Variants in NRXN1 observed in about 807,000 individuals in gnomAD.
NRXN1 encodes the protein neurexin-1.
A neutral mutation model predicts 150.9 loss-of-function variants in NRXN1; 39 were observed. That is an observed-to-expected ratio of 0.26 (90% confidence interval 0.20 to 0.34). NRXN1 has a LOEUF of 0.34. Ranked by LOEUF, NRXN1 falls within the 10% of genes least tolerant of loss-of-function variation. The pLI, the probability that NRXN1 is intolerant of heterozygous loss-of-function variation, is 1.00. For missense variants in NRXN1, 1,815 were observed against 1,949.9 expected, an observed-to-expected ratio of 0.93 and a Z score of 1.30; for synonymous variants, 924 against 757.0, an observed-to-expected ratio of 1.22 and a Z score of -3.62.
At chr2:50,166,710 A>G (rs912466550) in intron 18 of NRXN1, among the ~76,000 whole-genome samples, 1 of 152,222 alleles carries the variant, frequency 6.6e-6, no homozygotes, top group Admixed American at 6.5e-5. Flanking sequence ...AATGAAAGCC[A>G]TTGATTGAAT....
intron 18 of NRXN1, 26 bp downstream of exon 18, chr2:50,236,763 C>G (rs2065473432): frequency 1.2e-6 from 2 of 1,608,968 alleles, no homozygotes; most frequent in Non-Finnish European, 1.7e-6. Context: ...AAAGTAAAAG[C>G]TGAATCTTAT....
chr2:50,063,057 T>C (rs962905700), intron 19 of NRXN1, among the ~76,000 whole-genome samples: 6 of 152,146 alleles, frequency 3.9e-5, no homozygotes, highest in East Asian at 1.9e-4. Flanking sequence ...GATTTTTAAA[T>C]GAGAACAAGA....
chr2:50,551,887 T>G (rs1667596554), intron 9 of NRXN1, among the ~76,000 whole-genome samples: 1 of 152,054 alleles, frequency 6.6e-6, no homozygotes, highest in South Asian at 2.1e-4. Flanking sequence ...AAGCTCATAT[T>G]AGTCAACATC....
At chr2:49,945,389 CTCTT>C (rs752829030) in intron 21 of NRXN1, among the ~76,000 whole-genome samples, 3 of 147,802 alleles carry the variant, frequency 2.0e-5, no homozygotes, top group Non-Finnish European at 3.0e-5. Context: ...TGGGGGTTTT[CTCTT>C]TTTTTTTTTT....
intron 22 of NRXN1, among the ~76,000 whole-genome samples, chr2:49,924,119 C>T (rs769174108): frequency 5.9e-5 from 9 of 152,202 alleles, no homozygotes; most frequent in African/African-American, 9.6e-5. Context: ...CCAATTAACT[C>T]AGCTGCTTTC....
intron 5 of NRXN1, among the ~76,000 whole-genome samples, chr2:50,711,184 A>G (rs1012057711): frequency 6.6e-6 from 1 of 152,138 alleles, no homozygotes; most frequent in African/African-American, 2.4e-5. Context: ...AGTGGCTGTC[A>G]GTTTTGGTAA....
intron 5 of NRXN1, chr2:50,696,290 T>C (rs1285352957): frequency 6.6e-6 from 1 of 152,350 alleles, no homozygotes; most frequent in African/African-American, 2.4e-5. Context: ...GTTCTATACA[T>C]ATGAAAAAAT....
Position 49,919,176 on chromosome 2 carries a change from A to G in NRXN1, c.*2768T>C, listed in dbSNP as rs1436084145. 1 of 152,160 alleles carries G rather than the reference A, an allele frequency of 6.6e-6. No individual in the cohort carries two copies. Among genetic ancestry groups the G allele is most frequent in the Non-Finnish European group, 1.5e-5 (1 of 67,976 alleles). The allele number at this position is 152,160 out of a possible 1,614,324, so 9.4% of individuals were successfully genotyped here. On this transcript the variant is annotated 3_prime_UTR_variant, in exon 23 of 23. Coordinates refer to ENST00000401669, the MANE Select transcript of NRXN1 (RefSeq NM_001330078.2). ...TAGAGATGTAATCAAATTTATGCCAAGTCGTGTGAAATCCTCAATCAACTG... is the reference window on the plus strand; with the variant it reads ...TAGAGATGTAATCAAATTTATGCCAGGTCGTGTGAAATCCTCAATCAACTG...
chr2:50,892,984 T>A (rs1014045581), intron 5 of NRXN1, among the ~76,000 whole-genome samples: 2 of 152,122 alleles, frequency 1.3e-5, no homozygotes, highest in Non-Finnish European at 2.9e-5. Context: ...GCAGGAAGAT[T>A]GGGACCTGGC....
intron 5 of NRXN1, among the ~76,000 whole-genome samples, chr2:50,785,723 A>T (rs77970376): frequency 2.6e-5 from 4 of 152,130 alleles, no homozygotes; most frequent in Non-Finnish European, 5.9e-5. Flanking sequence ...AGGTGAGTAG[A>T]GCAGGAGCTT....
At chr2:50,881,368 G>A (rs1290286089) in intron 5 of NRXN1, among the ~76,000 whole-genome samples, 1 of 151,900 alleles carries the variant, frequency 6.6e-6, no homozygotes, top group African/African-American at 2.4e-5. Context: ...CTAAAGACAT[G>A]AAAAATAGCA....
chr2:50,203,035 A>G (rs918423735), intron 18 of NRXN1, among the ~76,000 whole-genome samples: 1 of 152,132 alleles, frequency 6.6e-6, no homozygotes, highest in African/African-American at 2.4e-5. Context: ...GGTAAAAAAG[A>G]TCTCCTGAAG....
At chr2:50,458,095 A>C (rs1359906745) in intron 17 of NRXN1, among the ~76,000 whole-genome samples, 1 of 152,194 alleles carries the variant, frequency 6.6e-6, no homozygotes, top group East Asian at 1.9e-4. Flanking sequence ...GAATCTGTGG[A>C]TAAACGGATA....
chr2:50,720,413 G>C (rs1054919048), intron 5 of NRXN1, among the ~76,000 whole-genome samples: 2 of 152,058 alleles, frequency 1.3e-5, no homozygotes, highest in African/African-American at 4.8e-5. Flanking sequence ...TTCCCTATTT[G>C]CTTCCATCTG....
intron 8 of NRXN1, 192 bp downstream of exon 8, chr2:50,619,830 A>T (rs1679671590): frequency 2.2e-6 from 1 of 449,200 alleles, no homozygotes; most frequent in South Asian, 8.9e-5. Flanking sequence ...AAAGAAGAGG[A>T]ACCTAATTCC....
chr2:50,699,998 GCA>G (rs1693498129), intron 5 of NRXN1, among the ~76,000 whole-genome samples: 1 of 152,076 alleles, frequency 6.6e-6, no homozygotes, highest in East Asian at 1.9e-4. Flanking sequence ...TACAAATTAT[GCA>G]CACAGTAGGT....
intron 15 of NRXN1, among the ~76,000 whole-genome samples, chr2:50,493,556 T>C (rs1272579304): frequency 1.3e-5 from 2 of 152,176 alleles, no homozygotes; most frequent in East Asian, 3.9e-4. Context: ...ATACTCATGC[T>C]CTGGCCAATG....
At chr2:50,629,429 CTGT>C (rs1681826410) in intron 5 of NRXN1, among the ~76,000 whole-genome samples, 1 of 151,564 alleles carries the variant, frequency 6.6e-6, no homozygotes. Context: ...TAACTAGCCT[CTGT>C]TGTTGTAAAT....
intron 17 of NRXN1, among the ~76,000 whole-genome samples, chr2:50,389,942 A>C (rs1572793601): frequency 6.6e-6 from 1 of 152,276 alleles, no homozygotes; most frequent in East Asian, 1.9e-4. Context: ...GAAAAGGTTA[A>C]ATTAACAAAT....
Sources: allele counts gnomAD v4.1 joint callset (sites outside exome capture counted in the v4.1 genomes callset), GRCh38; gene constraint gnomAD v4.1.1; transcripts MANE v1.5; gene names NCBI Gene and HGNC (gene_info 2026-07-23, HGNC 2026-07-21).